The following GUCY1A1 variants were observed in gnomAD, a reference collection of about 807,000 sequenced individuals.
The protein encoded by GUCY1A1 is guanylate cyclase 1 soluble subunit alpha 1.
Under a neutral mutation model 64.5 loss-of-function variants are expected in GUCY1A1, and 48 were observed. The observed-to-expected ratio is 0.74, with a 90% CI of 0.59 to 0.95. GUCY1A1 has a LOEUF of 0.95. Ranked by LOEUF, GUCY1A1 falls within the 40% of genes least tolerant of loss-of-function variation. The pLI is 0.00. For synonymous variants in GUCY1A1, 308 were observed against 303.4 expected (o/e 1.02, Z -0.16); for missense variants, 804 against 825.3 (o/e 0.97, Z 0.32).
At chr4:155,706,507 A>G (rs1731776837) in intron 4 of GUCY1A1, among the ~76,000 whole-genome samples, 1 of 150,860 alleles carries the variant, frequency 6.6e-6, no homozygotes, top group African/African-American at 2.4e-5. Flanking sequence ...GAAGGACTAG[A>G]GCTGCCCCCC....
At chr4:155,709,329 C>G (rs761409588) in intron 5 of GUCY1A1, among the ~76,000 whole-genome samples, 1 of 152,122 alleles carries the variant, frequency 6.6e-6, no homozygotes, top group Non-Finnish European at 1.5e-5. Context: ...TTCACCATAC[C>G]CACCCTCCTT....
chr4:155,669,999 G>A (rs1733912352), intron 2 of GUCY1A1, among the ~76,000 whole-genome samples: 1 of 152,038 alleles, frequency 6.6e-6, no homozygotes, highest in Non-Finnish European at 1.5e-5. Flanking sequence ...TACAAGTAAG[G>A]GGAAATGGAA....
chr4:155,706,189 A>T (rs1460133410), intron 4 of GUCY1A1, among the ~76,000 whole-genome samples: 2 of 152,174 alleles, frequency 1.3e-5, no homozygotes, highest in Admixed American at 6.5e-5. Context: ...CCTAAATATA[A>T]AAAAAAGAAA....
At position 155,730,114 on chromosome 4, in the gene GUCY1A1, A is replaced by T; in HGVS notation, c.1956A>T (p.Gly652=). The change falls in exon 10 of 10, where the codon GGA becomes GGT. Residue 652 remains glycine (G), a synonymous_variant. Transcript: ENST00000506455. ...CAAACTTCCCTAGTGAAATCCCCGG[A>T]ATCTGCCATTTTCTGGATGCTTACC... ...LPPNFPSEIP[G]ICHFLDAYQQ... The T allele has an allele frequency of 6.2e-7, 1 of 1,611,330 alleles. No homozygotes were observed. The highest frequency in any genetic ancestry group is 1.1e-5 in the South Asian group (1 of 91,006).
intron 2 of GUCY1A1, among the ~76,000 whole-genome samples, chr4:155,668,639 G>T (rs1733696888): frequency 6.6e-6 from 1 of 152,082 alleles, no homozygotes; most frequent in Admixed American, 6.5e-5. Flanking sequence ...GGTTCAGAGT[G>T]TAGAAGTGGT....
intron 7 of GUCY1A1, 82 bp from the exon 8 acceptor site, chr4:155,717,077 A>G (rs1579103214): frequency 3.0e-6 from 3 of 997,668 alleles, no homozygotes; most frequent in East Asian, 2.6e-5. Flanking sequence ...ATTCTGCTAT[A>G]TGACTTAATT....
In GUCY1A1 at chr4:155,711,185, T is replaced by G. The variant is rs2126858440; in HGVS notation, c.1020T>G (p.Thr340=). 6.2e-7 allele frequency: 1 copy of G among 1,613,492 alleles called. No individual in the cohort carries two copies. Among genetic ancestry groups the G allele is most frequent in the African/African-American group, 1.3e-5 (1 of 75,038 alleles). ...KINQTFSGIM[T]MLNMQFVVRV... ...ACCAGACGTTTAGCGGGATCATGAC[T>G]ATGTTGAATATGCAGTTTGTTGTAC... Residue 340 remains threonine (T), a synonymous_variant, in exon 6 of 10, where the codon ACT becomes ACG. Transcript: ENST00000506455.
intron 7 of GUCY1A1, among the ~76,000 whole-genome samples, chr4:155,716,045 T>C (rs1733188549): frequency 6.6e-6 from 1 of 152,130 alleles, no homozygotes; most frequent in Non-Finnish European, 1.5e-5. Flanking sequence ...CACGTGGTTA[T>C]CTGCAGAGAG....
intron 2 of GUCY1A1, among the ~76,000 whole-genome samples, chr4:155,675,974 G>A (rs1273270593): frequency 6.6e-6 from 1 of 151,428 alleles, no homozygotes; most frequent in African/African-American, 2.5e-5. Context: ...CCTGTCCTAA[G>A]GCCTAAATCT....
chr4:155,697,653 TC>T (rs1730587794), intron 3 of GUCY1A1, among the ~76,000 whole-genome samples: 1 of 152,248 alleles, frequency 6.6e-6, no homozygotes. Context: ...TTGCTCTGAT[TC>T]TGAAGTTCTG....
At chr4:155,698,654 C>T (rs530674918) in intron 3 of GUCY1A1, among the ~76,000 whole-genome samples, 44 of 152,192 alleles carry the variant, frequency 2.9e-4, no homozygotes, top group East Asian at 2.1e-3. Context: ...CCAGCCTGGG[C>T]GACAGAGCGA....
rs538419480 is a variant in GUCY1A1, at chr4:155,734,384, C to T, written c.*4153C>T. Reference sequence around the variant, plus strand: ...AGTCGCCCAAAGCAGAATGGGTTAACGAATTACTGCAGTGGTTTTAGGTGC... The same window carrying T: ...AGTCGCCCAAAGCAGAATGGGTTAATGAATTACTGCAGTGGTTTTAGGTGC... On this transcript the variant is annotated 3_prime_UTR_variant, in exon 10 of 10. Coordinates refer to ENST00000506455, the MANE Select transcript of GUCY1A1 (RefSeq NM_001130682.3). The T allele has an allele frequency of 2.6e-5, 4 of 152,016 alleles. No homozygotes were observed. The highest frequency in any genetic ancestry group is 3.4e-3 in the Middle Eastern group (1 of 294). The allele number at this position is 152,016 out of a possible 1,614,324, so 9.4% of individuals were successfully genotyped here.
chr4:155,697,235 G>GAAATATTCTATTTCAAGAAAA, intron 3 of GUCY1A1, 113 bp downstream of exon 3: 1 of 770,592 alleles, frequency 1.3e-6, no homozygotes, highest in African/African-American at 1.7e-5. Flanking sequence ...TACAATAAAT[G>GAAATATTCTATTTCAAGAAAA]TAGAATATTT....
intron 2 of GUCY1A1, among the ~76,000 whole-genome samples, chr4:155,694,033 C>G (rs889576258): frequency 6.6e-6 from 1 of 152,096 alleles, no homozygotes; most frequent in Non-Finnish European, 1.5e-5. Flanking sequence ...CAGACCTAAC[C>G]TATAATCTTC....
chr4:155,735,962 A>G lies in GUCY1A1; in HGVS notation c.*5731A>G, dbSNP rs543799356. The G allele has an allele frequency of 6.6e-6, 1 of 152,078 alleles. No individual in the cohort carries two copies. The highest frequency in any genetic ancestry group is 2.1e-4 in the South Asian group (1 of 4,830). 9.4% of individuals were successfully genotyped at this position (152,078 alleles called of 1,614,324 possible). A position where few individuals can be genotyped will look rare whatever the true frequency, so the allele number is the denominator to read the frequency against. On this transcript the variant is annotated 3_prime_UTR_variant, in exon 10 of 10. Transcript: ENST00000506455. ...CAGTGAGCTGCCGTCTTCCCTGAAT[A>G]AGTTGTATCTTATAACATTGAAGTG...
At chr4:155,726,121 A>G (rs2126984676) in intron 9 of GUCY1A1, among the ~76,000 whole-genome samples, 1 of 152,074 alleles carries the variant, frequency 6.6e-6, no homozygotes, top group Non-Finnish European at 1.5e-5. Flanking sequence ...TCTACTTTTT[A>G]TAGACAAATA....
At chr4:155,682,452 G>A (rs541845830) in intron 2 of GUCY1A1, among the ~76,000 whole-genome samples, 6 of 152,136 alleles carry the variant, frequency 3.9e-5, no homozygotes, top group East Asian at 1.9e-4. Flanking sequence ...TGAGCGGGGC[G>A]GATCACGAGG....
intron 2 of GUCY1A1, among the ~76,000 whole-genome samples, chr4:155,674,094 GCCTGTAATCCCA>G (rs537432601): frequency 0.01 from 1,524 of 151,082 alleles, 98 homozygotes; most frequent in African/African-American, 0.035. Flanking sequence ...GGTGGCTCAC[GCCTGTAATCCCA>G]GCACTTTGGG....
intron 2 of GUCY1A1, among the ~76,000 whole-genome samples, chr4:155,681,263 A>G (rs1236800181): frequency 6.6e-6 from 1 of 152,106 alleles, no homozygotes; most frequent in African/African-American, 2.4e-5. Flanking sequence ...ACTTTCTGCA[A>G]TTTAACCAGA....
Sources: allele counts gnomAD v4.1 joint callset (sites outside exome capture counted in the v4.1 genomes callset), GRCh38; gene constraint gnomAD v4.1.1; transcripts MANE v1.5; gene names NCBI Gene and HGNC (gene_info 2026-07-23, HGNC 2026-07-21).